The following ZFR variants were observed in gnomAD, a reference collection of about 807,000 sequenced individuals.
The protein encoded by ZFR is zinc finger RNA-binding protein.
A neutral mutation model predicts 130.7 loss-of-function variants in ZFR; 19 were observed. The ratio of observed to expected loss-of-function variants is 0.15; its 90% CI spans 0.10 to 0.21. The LOEUF (loss-of-function observed/expected upper bound fraction) is 0.21, where lower values mean the gene tolerates loss of function less well. ZFR is among the 10% of genes least tolerant of loss of function. The pLI is 1.00. For synonymous variants in ZFR, 466 were observed against 456.9 expected (o/e 1.02, Z -0.25); for missense variants, 872 against 1,321.5 (o/e 0.66, Z 5.27).
At chr5:32,372,847 AAAAC>A (rs1477420813) in intron 17 of ZFR, among the ~76,000 whole-genome samples, 3 of 152,102 alleles carry the variant, frequency 2.0e-5, no homozygotes, top group African/African-American at 4.8e-5. Flanking sequence ...AAAAACAAAC[AAAAC>A]AAACAAAAAA....
Position 32,380,107 on chromosome 5 carries a change from G to C in ZFR, c.2707C>G (p.Leu903Val). The C allele has an allele frequency of 6.2e-7, 1 of 1,614,118 alleles. No individual in the cohort carries two copies. ...CACTTAGCGTGGCGTAGAGCAGCCA[G>C]AGCGTCAAGGCATTTTTGCCTGTCC... The part of the protein sequence containing the change: ...VLDRQKCLDA[L>V]AALRHAKWFQ... The change falls in exon 16 of 20, where the codon CTG becomes GTG. Residue 903 changes from leucine (L) to valine (V), a missense_variant. This residue lies in a region of ZFR where 158 missense variants were observed against 264.0 expected (regional missense o/e 0.60). Coordinates refer to ENST00000265069, the MANE Select transcript of ZFR (RefSeq NM_016107.5).
At chr5:32,364,501 T>C (rs930867442) in intron 17 of ZFR, 11 of 232,194 alleles carry the variant, frequency 4.7e-5, no homozygotes, top group East Asian at 1.7e-4. Context: ...GGGAGGCAGA[T>C]TGCCTGAGTT....
intron 2 of ZFR, among the ~76,000 whole-genome samples, chr5:32,442,721 T>C (rs1554075430): frequency 2.1e-5 from 3 of 145,528 alleles, no homozygotes; most frequent in Admixed American, 1.3e-4. Flanking sequence ...ACTGGCAGCA[T>C]TTTTTTTTAG....
At chr5:32,425,694 T>C (rs1218673613) in intron 2 of ZFR, among the ~76,000 whole-genome samples, 2 of 152,080 alleles carry the variant, frequency 1.3e-5, no homozygotes, top group Non-Finnish European at 2.9e-5. Flanking sequence ...TCTGGCTAAT[T>C]TTTGTATTTT....
At chr5:32,377,392 G>A (rs1752846969) in intron 17 of ZFR, among the ~76,000 whole-genome samples, 1 of 150,634 alleles carries the variant, frequency 6.6e-6, no homozygotes, top group South Asian at 2.1e-4. Flanking sequence ...ATGTTGGTCA[G>A]GGCAGTCTTG....
intron 17 of ZFR, among the ~76,000 whole-genome samples, chr5:32,368,472 G>A (rs1752595701): frequency 6.6e-6 from 1 of 152,136 alleles, no homozygotes; most frequent in East Asian, 1.9e-4. Context: ...TTGACCTCAG[G>A]TAATCTGCCC....
intron 2 of ZFR, among the ~76,000 whole-genome samples, chr5:32,438,595 T>C (rs1229031388): frequency 6.6e-6 from 1 of 152,188 alleles, no homozygotes; most frequent in Non-Finnish European, 1.5e-5. Flanking sequence ...AAACTTGCTG[T>C]ACTCTTATTA....
At position 32,402,864 on chromosome 5, in the gene ZFR, C is replaced by CA. The variant is rs1464661099; in HGVS notation, c.1516+241_1516+242insT. On this transcript the variant is annotated intron_variant, in intron 8 of 19. Coordinates refer to ENST00000265069, the MANE Select transcript of ZFR (RefSeq NM_016107.5). ...GAAAAGGGTCTTTGTGTGTGCAGAT[C>CA]TTTTTTTTTTAAATGACTAGAGGAA... 2.7e-5 allele frequency among the ~76,000 whole-genome samples: 4 copies of CA among 147,272 alleles called. No homozygotes were observed. In the East Asian group the frequency reaches 7.9e-4, roughly 29 times the overall value.
At chr5:32,388,755 G>T in intron 12 of ZFR, 81 bp from the exon 13 acceptor site, 1 of 1,227,920 alleles carries the variant, frequency 8.1e-7, no homozygotes, top group Non-Finnish European at 1.1e-6. Context: ...ATACATATTT[G>T]TTGTATCTTT....
chr5:32,393,244 C>T (rs1047853800), intron 11 of ZFR, among the ~76,000 whole-genome samples: 5 of 151,624 alleles, frequency 3.3e-5, no homozygotes, highest in Admixed American at 6.6e-5. Flanking sequence ...TTAAATATAT[C>T]GTGTAATATT....
At chr5:32,377,308 C>G (rs983478687) in intron 17 of ZFR, among the ~76,000 whole-genome samples, 4 of 151,348 alleles carry the variant, frequency 2.6e-5, no homozygotes, top group African/African-American at 9.7e-5. Flanking sequence ...TCTCGGCTCA[C>G]TGCAACCTCT....
At chr5:32,391,556 C>T (rs1360153545) in intron 11 of ZFR, among the ~76,000 whole-genome samples, 1 of 150,996 alleles carries the variant, frequency 6.6e-6, no homozygotes, top group Non-Finnish European at 1.5e-5. Flanking sequence ...CCATCTCCTC[C>T]CCTCTGCCCT....
At chr5:32,415,516 G>GTGTGTGCGCA (rs61598066) in intron 4 of ZFR, among the ~76,000 whole-genome samples, 10 of 77,200 alleles carry the variant, frequency 1.3e-4, no homozygotes, top group East Asian at 3.9e-4. Flanking sequence ...GTGTGTGTGT[G>GTGTGTGCGCA]CGCGCGCGCG....
At chr5:32,408,333 A>ACAAAAC (rs796539561) in intron 5 of ZFR, among the ~76,000 whole-genome samples, 1 of 140,164 alleles carries the variant, frequency 7.1e-6, no homozygotes, top group Non-Finnish European at 1.5e-5. Context: ...AAAAAAAAAA[A>ACAAAAC]AAAACTAGAA....
intron 19 of ZFR, among the ~76,000 whole-genome samples, chr5:32,358,349 T>C (rs548387803): frequency 6.6e-6 from 1 of 152,192 alleles, no homozygotes; most frequent in East Asian, 1.9e-4. Context: ...AGAGAGAGAC[T>C]GTCTCAAAAA....
chr5:32,443,028 C>T (rs1754508244), intron 2 of ZFR, among the ~76,000 whole-genome samples: 1 of 149,838 alleles, frequency 6.7e-6, no homozygotes, highest in East Asian at 1.9e-4. Context: ...GGTCCTTTCT[C>T]TCTAAGAAAA....
chr5:32,362,266 C>A (rs748274687), intron 19 of ZFR, among the ~76,000 whole-genome samples: 13 of 152,004 alleles, frequency 8.6e-5, no homozygotes, highest in Non-Finnish European at 1.6e-4. Flanking sequence ...GTACGCCTAC[C>A]TATAGGAAGG....
intron 5 of ZFR, among the ~76,000 whole-genome samples, chr5:32,411,717 C>G (rs1039755368): frequency 0.013 from 547 of 40,580 alleles, no homozygotes; most frequent in African/African-American, 0.031. Flanking sequence ...TGAGGGGGGG[C>G]GGGGAATAGA....
chr5:32,377,049 C>T (rs1454244348), intron 17 of ZFR, among the ~76,000 whole-genome samples: 4 of 146,828 alleles, frequency 2.7e-5, no homozygotes, highest in African/African-American at 7.6e-5. Flanking sequence ...CCCAGCTACT[C>T]GGAGGCTGAG....
Sources: gnomAD v4.1 joint callset for allele counts (sites outside exome capture counted in the v4.1 genomes callset) on GRCh38, gnomAD v4.1.1 for gene constraint, gnomAD v4.1.1 regional missense constraint, MANE v1.5 for transcripts, NCBI Gene and HGNC (gene_info 2026-07-23, HGNC 2026-07-21) for gene names.